PCDH15: variants seen among roughly 807,000 people sequenced by gnomAD.
PCDH15 encodes protocadherin related 15.
Under a neutral mutation model 178.5 loss-of-function variants are expected in PCDH15, and 129 were observed. That is an observed-to-expected ratio of 0.72 (90% CI 0.63 to 0.84). The LOEUF (loss-of-function observed/expected upper bound fraction) is 0.84. PCDH15 is among the 40% of genes least tolerant of loss of function. The pLI is 0.00. For synonymous variants in PCDH15, 800 were observed against 732.0 expected (o/e 1.09, Z -1.50); for missense variants, 2,230 against 2,099.9 (o/e 1.06, Z -1.21).
intron 20 of PCDH15, among the ~76,000 whole-genome samples, chr10:53,997,582 A>G (rs2091915195): frequency 6.6e-6 from 1 of 152,184 alleles, no homozygotes; most frequent in Non-Finnish European, 1.5e-5. Context: ...GTCACAAGGT[A>G]CTTTTTGGAA....
At chr10:55,036,922 C>A (rs1840750077) in intron 2 of PCDH15, among the ~76,000 whole-genome samples, 1 of 152,130 alleles carries the variant, frequency 6.6e-6, no homozygotes, top group South Asian at 2.1e-4. Context: ...GAACTAGTTA[C>A]AGCAAGCTGG....
At chr10:54,609,350 T>C (rs1350480562) in intron 2 of PCDH15, among the ~76,000 whole-genome samples, 1 of 151,982 alleles carries the variant, frequency 6.6e-6, no homozygotes, top group Non-Finnish European at 1.5e-5. Flanking sequence ...TAGGAAAAAA[T>C]TCTGTGTTAA....
intron 12 of PCDH15, among the ~76,000 whole-genome samples, chr10:54,184,718 T>C (rs960818862): frequency 5.9e-5 from 9 of 151,858 alleles, no homozygotes; most frequent in African/African-American, 1.9e-4. Context: ...CCTCCAGATG[T>C]TGCTAAATGT....
chr10:55,274,558 T>A (rs1008046212), intron 1 of PCDH15, among the ~76,000 whole-genome samples: 1 of 152,134 alleles, frequency 6.6e-6, no homozygotes, highest in Non-Finnish European at 1.5e-5. Flanking sequence ...GGAAGCTGTT[T>A]ACTCTTCTCT....
chr10:55,389,675 T>G (rs1236729775), intron 2 of PCDH15, among the ~76,000 whole-genome samples: 1 of 152,034 alleles, frequency 6.6e-6, no homozygotes, highest in African/African-American at 2.4e-5. Flanking sequence ...CTTATCTTCA[T>G]AAGAGAAATA....
intron 2 of PCDH15, among the ~76,000 whole-genome samples, chr10:55,589,649 G>A (rs994791735): frequency 1.6e-4 from 24 of 152,016 alleles, no homozygotes; most frequent in South Asian, 4.2e-4. Context: ...AAAAATGGGC[G>A]AAGGATATGA....
intron 1 of PCDH15, among the ~76,000 whole-genome samples, chr10:55,221,376 A>C (rs950896559): frequency 3.3e-5 from 5 of 152,160 alleles, no homozygotes; most frequent in Non-Finnish European, 5.9e-5. Flanking sequence ...AATATGTAGC[A>C]ATATTTACAC....
intron 2 of PCDH15, among the ~76,000 whole-genome samples, chr10:55,149,511 GA>G (rs1838638068): frequency 6.6e-6 from 1 of 151,944 alleles, no homozygotes; most frequent in South Asian, 2.1e-4. Flanking sequence ...TACATGGGGG[GA>G]AACTTATTTC....
chr10:55,577,152 A>G (rs1002631642), intron 2 of PCDH15, among the ~76,000 whole-genome samples: 1 of 152,068 alleles, frequency 6.6e-6, no homozygotes, highest in Non-Finnish European at 1.5e-5. Flanking sequence ...TGAGGCAGAA[A>G]AATTATTTGA....
intron 2 of PCDH15, among the ~76,000 whole-genome samples, chr10:54,599,080 C>T (rs1242536329): frequency 6.6e-6 from 1 of 151,898 alleles, no homozygotes; most frequent in African/African-American, 2.4e-5. Context: ...AAATGTTATT[C>T]CTATCTAATT....
intron 2 of PCDH15, among the ~76,000 whole-genome samples, chr10:54,945,356 G>T (rs879445347): frequency 0.033 from 3,577 of 109,030 alleles, 45 homozygotes; most frequent in Middle Eastern, 0.1. Flanking sequence ...ATAGATGATA[G>T]ATAGATATAT....
intron 2 of PCDH15, among the ~76,000 whole-genome samples, chr10:55,355,333 G>C (rs769909327): frequency 1.3e-5 from 2 of 151,942 alleles, no homozygotes; most frequent in African/African-American, 4.8e-5. Flanking sequence ...GAAAGTGATC[G>C]AGTGTTTTCC....
intron 2 of PCDH15, among the ~76,000 whole-genome samples, chr10:54,531,719 C>G (rs944796275): frequency 1.5e-4 from 23 of 151,948 alleles, no homozygotes; most frequent in African/African-American, 5.6e-4. Flanking sequence ...TAGTAATTGC[C>G]CTTATATGTT....
intron 2 of PCDH15, among the ~76,000 whole-genome samples, chr10:54,608,329 G>C (rs570738299): frequency 6.6e-6 from 1 of 151,492 alleles, no homozygotes; most frequent in Non-Finnish European, 1.5e-5. Flanking sequence ...AAAAAATAGC[G>C]GACATGGTGG....
chr10:54,569,294 G>A (rs530194771), intron 2 of PCDH15, among the ~76,000 whole-genome samples: 274 of 152,112 alleles, frequency 1.8e-3, no homozygotes, highest in Non-Finnish European at 3.2e-3. Flanking sequence ...TGCACAATAG[G>A]CCATTCAATT....
chr10:55,352,259 T>C (rs1465450848), intron 2 of PCDH15, among the ~76,000 whole-genome samples: 1 of 152,220 alleles, frequency 6.6e-6, no homozygotes, highest in Non-Finnish European at 1.5e-5. Flanking sequence ...GTTTATTTTA[T>C]GTTTATTTTA....
At chr10:55,531,849 A>G (rs931167238) in intron 2 of PCDH15, among the ~76,000 whole-genome samples, 4 of 152,082 alleles carry the variant, frequency 2.6e-5, no homozygotes, top group Non-Finnish European at 5.9e-5. Context: ...AGCATGTCAT[A>G]AAGTGTTTAT....
At chr10:55,422,973 A>G (rs1419100306) in intron 2 of PCDH15, among the ~76,000 whole-genome samples, 1 of 151,938 alleles carries the variant, frequency 6.6e-6, no homozygotes, top group African/African-American at 2.4e-5. Context: ...TACTCCACAT[A>G]AAGTATGTCC....
intron 3 of PCDH15, among the ~76,000 whole-genome samples, chr10:54,816,214 A>G (rs1480720830): frequency 1.3e-5 from 2 of 151,900 alleles, no homozygotes; most frequent in East Asian, 3.9e-4. Context: ...GGAGATGTTG[A>G]CTATATATTT....
Sources: allele counts gnomAD v4.1 joint callset (sites outside exome capture counted in the v4.1 genomes callset), GRCh38; gene constraint gnomAD v4.1.1; transcripts MANE v1.5; gene names NCBI Gene and HGNC (gene_info 2026-07-23, HGNC 2026-07-21).